The following EIF2B4 variants were observed in gnomAD, a reference collection of about 807,000 sequenced individuals.
EIF2B4 encodes the protein translation initiation factor eIF2B subunit delta.
EIF2B4 carries 34 observed loss-of-function variants against 66.7 expected under a neutral mutation model. That is an observed-to-expected ratio of 0.51 (90% CI 0.39 to 0.68). The LOEUF (loss-of-function observed/expected upper bound fraction) is 0.68, where lower values mean the gene tolerates loss of function less well. EIF2B4 is among the 30% of genes least tolerant of loss of function. The probability of loss-of-function intolerance (pLI) is 0.00; values close to 1 mark genes in which losing one functional copy is unlikely to be tolerated. For missense variants in EIF2B4, 618 were observed against 657.9 expected, an observed-to-expected ratio of 0.94 and a Z score of 0.66; for synonymous variants, 278 against 253.6, an observed-to-expected ratio of 1.10 and a Z score of -0.92.
chr2:27,369,421 T>C lies in EIF2B4; in HGVS notation c.204A>G (p.Gln68=), dbSNP rs751451207. 14 of 1,614,002 alleles carry C rather than the reference T, an allele frequency of 8.7e-6. No homozygotes were observed. The East Asian group carries it at 1.1e-4, about 13-fold the overall frequency. The part of the protein sequence containing the change: ...PETGSAVSAA[Q]CQVGPTRELP... ...AAGAGACCCCTCACTCACCTTGACA[T>C]TGGGCTGCAGATACAGCAGAGCCAG... Residue 68 remains glutamine (Q), a synonymous_variant, in exon 3 of 13, where the codon CAA becomes CAG. Transcript: ENST00000347454.
intron 8 of EIF2B4, 67 bp from the exon 9 acceptor site, chr2:27,367,626 A>G (rs200885920): frequency 6.2e-7 from 1 of 1,600,714 alleles, no homozygotes; most frequent in East Asian, 2.2e-5. Context: ...TTCACATTTA[A>G]AAAAAAAGTC....
intron 7 of EIF2B4, 63 bp downstream of exon 7, chr2:27,367,960 CAG>C: frequency 2.7e-6 from 4 of 1,508,472 alleles, no homozygotes; most frequent in Non-Finnish European, 3.6e-6. Flanking sequence ...CCTTGGGTGA[CAG>C]AAGCTGGGGT....
Position 27,364,877 on chromosome 2 carries a change from C to T in EIF2B4, c.1213G>A (p.Ala405Thr). 6.2e-7 allele frequency: 1 copy of T among 1,614,088 alleles called. No homozygotes were observed. ...GACCCGTTGGCCAAGAGTGCATGAG[C>T]TCCCAATAGCACCTTGGAAACCTGT... Reference protein sequence around the residue: ...LPEVSKVLLGAHALLANGSVM... With the variant: ...LPEVSKVLLGTHALLANGSVM... Residue 405 changes from alanine (A) to threonine (T), a missense_variant, in exon 12 of 13, where the codon GCT becomes ACT. Around this residue, in one of 4 missense-constraint regions of EIF2B4, gnomAD observed 506 missense variants for 511.9 expected, o/e 0.99. Transcript: ENST00000347454.
chr2:27,364,925 A>G, intron 11 of EIF2B4, 27 bp from the exon 12 acceptor site: 2 of 1,611,072 alleles, frequency 1.2e-6, no homozygotes, highest in Non-Finnish European at 1.7e-6. Flanking sequence ...GAGGAAGAAA[A>G]AAATGTCATT....
intron 11 of EIF2B4, 113 bp from the exon 12 acceptor site, chr2:27,365,011 TGAAAA>T: frequency 9.3e-7 from 1 of 1,070,756 alleles, no homozygotes; most frequent in South Asian, 1.4e-5. Flanking sequence ...TCAACACCTG[TGAAAA>T]GAAGGGAAAG....
intron 11 of EIF2B4, 157 bp from the exon 12 acceptor site, chr2:27,365,055 C>CAT: frequency 1.6e-6 from 1 of 606,462 alleles, no homozygotes; most frequent in Non-Finnish European, 2.7e-6. Flanking sequence ...AGTAATAAAT[C>CAT]TTTTTTTTTT....
chr2:27,367,338 C>T, intron 9 of EIF2B4, 119 bp downstream of exon 9: 2 of 1,574,262 alleles, frequency 1.3e-6, no homozygotes, highest in Non-Finnish European at 1.7e-6. Context: ...ATGGCCAAAC[C>T]ATTCCTTAAC....
intron 2 of EIF2B4, 154 bp downstream of exon 2, chr2:27,369,722 G>A: frequency 6.9e-7 from 1 of 1,447,996 alleles, no homozygotes; most frequent in Non-Finnish European, 9.5e-7. Context: ...TCCAGGGACA[G>A]AATCATATAT....
In EIF2B4 at chr2:27,368,099, C is replaced by T. The variant is rs1332546889; in HGVS notation, c.631G>A (p.Gly211Ser). The change falls in exon 7 of 13, where the codon GGC becomes AGC. Residue 211 changes from glycine (G) to serine (S), a missense_variant. Gly to Ser is a moderately conservative substitution (Grantham distance 56, BLOSUM62 0). Around this residue, in one of 4 missense-constraint regions of EIF2B4, gnomAD observed 506 missense variants for 511.9 expected, o/e 0.99. Transcript: ENST00000347454. ...SVIHPAMVRL[G>S]LQYSQGLVSG... is the part of the protein sequence containing the mutation. Reference sequence around the variant, plus strand: ...ACCAGGCCCTGGGAGTACTGCAGGCCGAGTCGCACCATGGCTGGGTGGATC... The same window carrying T: ...ACCAGGCCCTGGGAGTACTGCAGGCTGAGTCGCACCATGGCTGGGTGGATC... 8.1e-6 allele frequency: 13 copies of T among 1,599,848 alleles called. No homozygotes were observed. The highest frequency in any genetic ancestry group is 1.0e-5 in the Non-Finnish European group (12 of 1,173,130).
At position 27,368,062 on chromosome 2, in the gene EIF2B4, T is replaced by C. The variant is rs1164907064; in HGVS notation, c.668A>G (p.Asn223Ser). 6.9e-6 allele frequency: 11 copies of C among 1,597,542 alleles called. No individual in the cohort carries two copies. Among genetic ancestry groups the C allele is most frequent in the Admixed American group, 1.7e-5 (1 of 57,460 alleles). Residue 223 changes from asparagine (N) to serine (S), a missense_variant, in exon 7 of 13, where the codon AAT (asparagine) becomes AGT (serine). This residue lies in a region of EIF2B4 where 506 missense variants were observed against 511.9 expected (regional missense o/e 0.99). Transcript: ENST00000347454. ...ACGAAGCAGGGCAATACACCGGGCA[T>C]TGGAGCCACTGACCAGGCCCTGGGA... ...QYSQGLVSGS[N>S]ARCIALLRAL...
rs756551239 is a variant in EIF2B4, at chr2:27,369,926, C to G, written c.32-7G>C. 5.1e-6 allele frequency: 8 copies of G among 1,581,632 alleles called. No individual in the cohort carries two copies. The highest frequency in any genetic ancestry group is 6.9e-6 in the Non-Finnish European group (8 of 1,164,084). On this transcript the variant is annotated splice_region_variant and splice_polypyrimidine_tract_variant and intron_variant, in intron 1 of 12. Transcript: ENST00000347454. ...TTCATCCCGGATCCCGAGTCTGCAT[C>G]AGAAAACAGGGCACAAAGTGAGCCA...
In EIF2B4 at chr2:27,367,167, T is replaced by C; in HGVS notation, c.920A>G (p.Tyr307Cys). ...TGCTAGCACAATCTTCTCTTGCACATACCGATCAATGGCTGCTCGAAGTTC... is the reference window on the plus strand; with the variant it reads ...TGCTAGCACAATCTTCTCTTGCACACACCGATCAATGGCTGCTCGAAGTTC... The part of the protein sequence containing the change: ...KSELRAAIDR[Y>C]VQEKIVLAAQ... Residue 307 changes from tyrosine to cysteine, a missense_variant, in exon 10 of 13, where the codon TAT becomes TGT. Transcript: ENST00000347454. 6.2e-7 allele frequency: 1 copy of C among 1,614,204 alleles called. No individual in the cohort carries two copies. Among genetic ancestry groups the C allele is most frequent in the Non-Finnish European group, 8.5e-7 (1 of 1,180,036 alleles).
chr2:27,369,298 C>G, intron 3 of EIF2B4, 86 bp from the exon 4 acceptor site: 1 of 1,608,590 alleles, frequency 6.2e-7, no homozygotes, highest in Admixed American at 1.7e-5. Flanking sequence ...CCTTGTAAAC[C>G]TCTTTGCTTT....
chr2:27,370,297 C>G lies in EIF2B4; in HGVS notation c.18G>C (p.Val6=). 6.5e-7 allele frequency: 1 copy of G among 1,546,696 alleles called. No homozygotes were observed. The highest frequency in any genetic ancestry group is 1.2e-5 in the South Asian group (1 of 84,328). The change falls in exon 1 of 13, where the codon GTG becomes GTC. Residue 6 remains valine (V), a synonymous_variant. Coordinates refer to ENST00000347454, the MANE Select transcript of EIF2B4 (RefSeq NM_001034116.2). MAAVA[V]AVREDSGSGM... ...CTCTTCACTCACCCTCGCGAACAGCCACGGCCACAGCAGCCATCGCCCTCA... is the reference window on the plus strand; with the variant it reads ...CTCTTCACTCACCCTCGCGAACAGCGACGGCCACAGCAGCCATCGCCCTCA...
rs552680376 is a variant in EIF2B4, at chr2:27,364,656, G to A, written c.1373-57C>T. On this transcript the variant is annotated intron_variant, in intron 12 of 12. Coordinates refer to ENST00000347454, the MANE Select transcript of EIF2B4 (RefSeq NM_001034116.2). ...TCAGAAAAGAAGTTCTAGTTTATCCGCCCCTCTCCCTCCCTCTCAAGTCTT... is the reference window on the plus strand; with the variant it reads ...TCAGAAAAGAAGTTCTAGTTTATCCACCCCTCTCCCTCCCTCTCAAGTCTT... 482 of 1,613,938 alleles carry A rather than the reference G, an allele frequency of 3.0e-4. 2 individuals carry two copies. In the South Asian group the frequency reaches 4.3e-3, roughly 15 times the overall value.
intron 1 of EIF2B4, 52 bp downstream of exon 1, chr2:27,370,232 C>A: frequency 6.5e-7 from 1 of 1,542,276 alleles, no homozygotes. Flanking sequence ...CACTAGCTGT[C>A]CGGAGCTCGT....
intron 6 of EIF2B4, 80 bp downstream of exon 6, chr2:27,368,292 T>C: frequency 7.1e-7 from 1 of 1,415,132 alleles, no homozygotes. Context: ...AGAGTCCATC[T>C]CAGATTACTA....
intron 9 of EIF2B4, 98 bp from the exon 10 acceptor site, chr2:27,367,299 T>C: frequency 6.3e-7 from 1 of 1,592,834 alleles, no homozygotes; most frequent in Non-Finnish European, 8.6e-7. Context: ...GACAAGCCTA[T>C]AGAGGGCTCA....
At position 27,369,025 on chromosome 2, in the gene EIF2B4, T is replaced by C; in HGVS notation, c.399A>G (p.Thr133=). The C allele has an allele frequency of 1.2e-6, 2 of 1,613,518 alleles. No individual in the cohort carries two copies. Among genetic ancestry groups the C allele is most frequent in the South Asian group, 2.2e-5 (2 of 91,064 alleles). The part of the protein sequence containing the change: ...GGPPPKASPS[T]AGETPSGVKR... ...AGATACCTGAGGGGGTTTCTCCAGC[T>C]GTGCTGGGGCTGGCCTTAGGAGGTG... Residue 133 remains threonine, a synonymous_variant, in exon 4 of 13, where the codon ACA becomes ACG. Coordinates refer to ENST00000347454, the MANE Select transcript of EIF2B4 (RefSeq NM_001034116.2).
Sources: gnomAD v4.1 joint callset for allele counts on GRCh38, gnomAD v4.1.1 for gene constraint, gnomAD v4.1.1 regional missense constraint, MANE v1.5 for transcripts, NCBI Gene and HGNC (gene_info 2026-07-23, HGNC 2026-07-21) for gene names.